Variants in LRMDA observed in about 807,000 individuals in gnomAD.
The protein encoded by LRMDA is leucine rich melanocyte differentiation associated.
LRMDA carries 18 observed loss-of-function variants against 29.8 expected under a neutral mutation model. The observed-to-expected ratio is 0.60, with a 90% CI of 0.42 to 0.90. The LOEUF (loss-of-function observed/expected upper bound fraction) is 0.90, where lower values mean the gene tolerates loss of function less well. Ranked by LOEUF, LRMDA falls within the 40% of genes least tolerant of loss-of-function variation. The pLI is 0.00. For synonymous variants in LRMDA, 125 were observed against 109.4 expected, an observed-to-expected ratio of 1.14 and a Z score of -0.89; for missense variants, 273 against 273.9, an observed-to-expected ratio of 1.00 and a Z score of 0.02.
intron 5 of LRMDA, among the ~76,000 whole-genome samples, chr10:76,271,250 G>C (rs910546472): frequency 1.3e-5 from 2 of 152,002 alleles, no homozygotes; most frequent in African/African-American, 4.8e-5. Flanking sequence ...TCTACAAAAA[G>C]TACAAAAATT....
chr10:75,930,896 T>C (rs1016890851), intron 2 of LRMDA, among the ~76,000 whole-genome samples: 2 of 152,216 alleles, frequency 1.3e-5, no homozygotes, highest in Non-Finnish European at 2.9e-5. Flanking sequence ...GTTATTCTTA[T>C]AGGTGATCTG....
intron 6 of LRMDA, among the ~76,000 whole-genome samples, chr10:76,436,047 C>G (rs1248138041): frequency 6.6e-6 from 1 of 152,104 alleles, no homozygotes; most frequent in Non-Finnish European, 1.5e-5. Context: ...ACACGCTAGG[C>G]TTTAGTTATA....
At chr10:76,007,477 A>G (rs1162950938) in intron 2 of LRMDA, among the ~76,000 whole-genome samples, 1 of 152,080 alleles carries the variant, frequency 6.6e-6, no homozygotes, top group African/African-American at 2.4e-5. Flanking sequence ...CTTCCTGCGT[A>G]TTGCCCTCTC....
At chr10:75,538,912 T>G (rs777744639) in intron 2 of LRMDA, among the ~76,000 whole-genome samples, 6 of 152,226 alleles carry the variant, frequency 3.9e-5, no homozygotes, top group Non-Finnish European at 7.3e-5. Context: ...CCAAATTTTC[T>G]GTCTTGGAAT....
intron 2 of LRMDA, among the ~76,000 whole-genome samples, chr10:75,449,222 A>C (rs976380818): frequency 6.6e-6 from 1 of 151,862 alleles, no homozygotes. Context: ...ACTACATGCC[A>C]TGGCTGGGCA....
chr10:75,753,227 G>A (rs1342888824), intron 2 of LRMDA, among the ~76,000 whole-genome samples: 1 of 152,110 alleles, frequency 6.6e-6, no homozygotes, highest in Non-Finnish European at 1.5e-5. Context: ...TATATACCAG[G>A]CACTCACTGG....
intron 5 of LRMDA, among the ~76,000 whole-genome samples, chr10:76,250,845 G>C (rs988906022): frequency 6.6e-6 from 1 of 152,184 alleles, no homozygotes; most frequent in African/African-American, 2.4e-5. Context: ...TGTCAAAGTA[G>C]AATTATCATA....
chr10:75,818,743 T>C (rs1245868031), intron 2 of LRMDA, among the ~76,000 whole-genome samples: 1 of 152,222 alleles, frequency 6.6e-6, no homozygotes, highest in Non-Finnish European at 1.5e-5. Context: ...CTGCTGGTTT[T>C]CTTCTGTGGT....
At chr10:76,138,212 G>A (rs1352783232) in intron 5 of LRMDA, among the ~76,000 whole-genome samples, 1 of 152,092 alleles carries the variant, frequency 6.6e-6, no homozygotes, top group Non-Finnish European at 1.5e-5. Flanking sequence ...TTTCCCCCCA[G>A]TGTACCCCTC....
At chr10:75,733,527 C>T (rs914834926) in intron 2 of LRMDA, among the ~76,000 whole-genome samples, 14 of 152,188 alleles carry the variant, frequency 9.2e-5, no homozygotes, top group Admixed American at 5.9e-4. Flanking sequence ...GTATGAGTGC[C>T]ACAGGTTGAC....
intron 6 of LRMDA, among the ~76,000 whole-genome samples, chr10:76,527,110 C>G (rs114199869): frequency 1.4e-5 from 2 of 146,686 alleles, no homozygotes; most frequent in Admixed American, 1.4e-4. Context: ...TTGTCTGTTT[C>G]TATCATAGGT....
chr10:76,095,688 T>C (rs750747305), intron 5 of LRMDA, among the ~76,000 whole-genome samples: 3 of 152,242 alleles, frequency 2.0e-5, no homozygotes, highest in Non-Finnish European at 2.9e-5. Context: ...GTTTTAGTTT[T>C]AGTTTCAATT....
chr10:76,544,289 C>T (rs893294279), intron 6 of LRMDA, among the ~76,000 whole-genome samples: 1 of 152,124 alleles, frequency 6.6e-6, no homozygotes, highest in Admixed American at 6.5e-5. Flanking sequence ...TTTTTTCCCC[C>T]CAATATGGAA....
rs34217626 is a variant in LRMDA at position 75,504,015 on chromosome 10, A to ATTT, written c.131+65535_131+65537dup. ...GTTAGGTCATTTATTTATTAATCCCATTTTTTTTTTTTTTTTGAGACAGGG... is the reference window on the plus strand; with the variant it reads ...GTTAGGTCATTTATTTATTAATCCCATTTTTTTTTTTTTTTTTTTGAGACAGGG... On this transcript the variant is annotated intron_variant, in intron 2 of 6. Coordinates refer to ENST00000611255, the MANE Select transcript of LRMDA (RefSeq NM_001305581.2). 1.2e-3 allele frequency among the ~76,000 whole-genome samples: 174 copies of ATTT among 141,828 alleles called. 1 individual carries two copies. The highest frequency in any genetic ancestry group is 4.0e-3 in the African/African-American group (154 of 38,130). 93.0% of individuals were successfully genotyped at this position (141,828 alleles called of 152,430 possible). A position where few individuals can be genotyped will look rare whatever the true frequency, so the allele number is the denominator to read the frequency against.
chr10:76,229,687 T>G lies in LRMDA; in HGVS notation c.517-94714T>G, dbSNP rs577918157. The stretch of plus-strand genomic sequence containing the variant: ...TCTTTAGTTCAAAATACTCAGCATA[T>G]CAACACCCCCACACTTTGAGGTATC... On this transcript the variant is annotated intron_variant, in intron 5 of 6. Transcript: ENST00000611255. Among the ~76,000 whole-genome samples, 4 of 152,108 alleles carry G rather than the reference T, an allele frequency of 2.6e-5. No individual in the cohort carries two copies. In the East Asian group the frequency reaches 5.8e-4, roughly 22 times the overall value.
At chr10:76,240,290 A>T (rs1051920634) in intron 5 of LRMDA, among the ~76,000 whole-genome samples, 16 of 151,732 alleles carry the variant, frequency 1.1e-4, no homozygotes, top group African/African-American at 3.9e-4. Context: ...AGCAACCTGG[A>T]TGGAATTGGA....
intron 6 of LRMDA, among the ~76,000 whole-genome samples, chr10:76,540,376 G>A (rs1205018020): frequency 2.0e-5 from 3 of 152,068 alleles, no homozygotes; most frequent in Non-Finnish European, 4.4e-5. Flanking sequence ...TATTTTTGGT[G>A]GTGAAGAGAA....
intron 2 of LRMDA, among the ~76,000 whole-genome samples, chr10:75,558,052 C>T (rs977147299): frequency 1.1e-4 from 16 of 151,936 alleles, no homozygotes; most frequent in East Asian, 3.9e-4. Context: ...ACTGCTTCAT[C>T]GGACAAACAA....
intron 2 of LRMDA, among the ~76,000 whole-genome samples, chr10:75,962,306 A>G (rs1846781909): frequency 6.6e-6 from 1 of 152,196 alleles, no homozygotes; most frequent in South Asian, 2.1e-4. Context: ...GTGTTGGACT[A>G]GAGCAGTGGC....
Sources: gnomAD v4.1 joint callset for allele counts (sites outside exome capture counted in the v4.1 genomes callset) on GRCh38, gnomAD v4.1.1 for gene constraint, MANE v1.5 for transcripts, NCBI Gene and HGNC (gene_info 2026-07-23, HGNC 2026-07-21) for gene names.